The following TRIP12 variants were observed in gnomAD, a reference collection of about 807,000 sequenced individuals.
TRIP12 encodes E3 ubiquitin-protein ligase TRIP12.
TRIP12 carries 25 observed loss-of-function variants against 244.2 expected under a neutral mutation model. The ratio of observed to expected loss-of-function variants is 0.10; its 90% CI spans 0.07 to 0.14. TRIP12 has a LOEUF of 0.14. TRIP12 is among the 10% of genes least tolerant of loss of function. The pLI is 1.00. For missense variants in TRIP12, 1,677 were observed against 2,486.4 expected (o/e 0.67, Z 6.92); for synonymous variants, 905 against 873.1 (o/e 1.04, Z -0.64).
In TRIP12 at chr2:229,765,893, C is replaced by CT. The variant is rs575243501; in HGVS notation, c.*1660dup. The CT allele has an allele frequency of 8.5e-5, 13 of 152,324 alleles. No homozygotes were observed. The South Asian group carries it at 2.7e-3, about 32-fold the overall frequency. The allele number at this position is 152,324 out of a possible 1,614,324, so 9.4% of individuals were successfully genotyped here. A position where few individuals can be genotyped will look rare whatever the true frequency, so the allele number is the denominator to read the frequency against. ...AGAGAATTCTCTGCCCCCAACTCCTCTGACAGTTCCCTTCCACTTAATGGG... is the reference window on the plus strand; with the variant it reads ...AGAGAATTCTCTGCCCCCAACTCCTCTTGACAGTTCCCTTCCACTTAATGGG... On this transcript the variant is annotated 3_prime_UTR_variant, in exon 42 of 42. Coordinates refer to ENST00000675903, the MANE Select transcript of TRIP12 (RefSeq NM_001348323.3).
intron 5 of TRIP12, 22 bp downstream of exon 5, chr2:229,840,800 T>TAA (rs11373804): frequency 1.8e-3 from 2,310 of 1,301,416 alleles, no homozygotes; most frequent in African/African-American, 7.1e-3. Context: ...GAACTCACTA[T>TAA]AAAAAAAAAA....
At chr2:229,908,574 T>C (rs977143244) in intron 1 of TRIP12, among the ~76,000 whole-genome samples, 11 of 151,050 alleles carry the variant, frequency 7.3e-5, no homozygotes, top group African/African-American at 2.7e-4. Context: ...CTATTAAAAA[T>C]ACAAAAAATT....
chr2:229,813,064 T>C (rs1030613777), intron 13 of TRIP12, among the ~76,000 whole-genome samples: 7 of 152,172 alleles, frequency 4.6e-5, no homozygotes, highest in Admixed American at 2.6e-4. Context: ...CACACTGTTA[T>C]CATCAGGTCC....
chr2:229,774,229 G>A lies in TRIP12; in HGVS notation c.5562C>T (p.Thr1854=). 1 of 1,614,060 alleles carries A rather than the reference G, an allele frequency of 6.2e-7. No individual in the cohort carries two copies. Among genetic ancestry groups the A allele is most frequent in the Non-Finnish European group, 8.5e-7 (1 of 1,180,004 alleles). ...TKESLQYALE[T]LTMNGCSVED... is the part of the protein sequence containing the mutation. ...CAACTGAGCAGCCATTCATAGTCAA[G>A]GTTTCTAATGCATACTGTAGACTCT... Residue 1854 remains threonine, a synonymous_variant, in exon 38 of 42, where the codon ACC becomes ACT. Transcript: ENST00000675903.
intron 1 of TRIP12, among the ~76,000 whole-genome samples, chr2:229,901,101 T>A (rs1377471541): frequency 1.1e-4 from 17 of 151,084 alleles, no homozygotes; most frequent in African/African-American, 4.1e-4. Flanking sequence ...GCCTGGCTAA[T>A]TTTTGTATTT....
chr2:229,779,942 G>A (rs2037553577), intron 34 of TRIP12, among the ~76,000 whole-genome samples: 1 of 152,170 alleles, frequency 6.6e-6, no homozygotes, highest in East Asian at 1.9e-4. Context: ...GTAGTGACAA[G>A]TTCATATCAC....
intron 13 of TRIP12, among the ~76,000 whole-genome samples, chr2:229,812,318 T>A (rs898605137): frequency 4.6e-5 from 7 of 152,140 alleles, no homozygotes; most frequent in Non-Finnish European, 8.8e-5. Flanking sequence ...TGACCTCAGG[T>A]GATCCACCTG....
At chr2:229,809,674 A>G (rs1417025533) in intron 15 of TRIP12, among the ~76,000 whole-genome samples, 3 of 152,322 alleles carry the variant, frequency 2.0e-5, no homozygotes, top group Non-Finnish European at 4.4e-5. Flanking sequence ...ACCTTTCCCA[A>G]TCTTATTTAG....
intron 1 of TRIP12, among the ~76,000 whole-genome samples, chr2:229,915,964 G>A (rs1003840079): frequency 2.0e-5 from 3 of 152,144 alleles, no homozygotes; most frequent in African/African-American, 7.2e-5. Context: ...CAAAGTTCTG[G>A]AATTACAGGC....
intron 2 of TRIP12, among the ~76,000 whole-genome samples, chr2:229,872,487 T>A (rs1168240022): frequency 6.6e-6 from 1 of 151,842 alleles, no homozygotes; most frequent in Non-Finnish European, 1.5e-5. Context: ...CTGCTTGAAC[T>A]CGGGAGGCAG....
At chr2:229,825,813 C>T (rs1393835988) in intron 8 of TRIP12, among the ~76,000 whole-genome samples, 3 of 152,022 alleles carry the variant, frequency 2.0e-5, no homozygotes, top group Non-Finnish European at 2.9e-5. Context: ...TCTTGTCATA[C>T]CAGAAAATAA....
At chr2:229,869,146 G>GT (rs1036453938) in intron 2 of TRIP12, among the ~76,000 whole-genome samples, 12 of 152,134 alleles carry the variant, frequency 7.9e-5, no homozygotes, top group Non-Finnish European at 8.8e-5. Flanking sequence ...TCTAGGAGAT[G>GT]TTTTTTCCTG....
chr2:229,851,051 C>T (rs1282498964), intron 4 of TRIP12, among the ~76,000 whole-genome samples: 1 of 152,254 alleles, frequency 6.6e-6, no homozygotes, highest in Non-Finnish European at 1.5e-5. Context: ...GCGCCGCCCC[C>T]TGCTCCAGGG....
chr2:229,840,563 G>C (rs984200678), intron 5 of TRIP12, among the ~76,000 whole-genome samples: 2 of 151,948 alleles, frequency 1.3e-5, no homozygotes, highest in African/African-American at 2.4e-5. Flanking sequence ...TTAGCTGGGT[G>C]GGGTGGCAGG....
At chr2:229,825,220 G>C (rs992663592) in intron 8 of TRIP12, among the ~76,000 whole-genome samples, 1 of 152,156 alleles carries the variant, frequency 6.6e-6, no homozygotes, top group Non-Finnish European at 1.5e-5. Context: ...CTCACCATTG[G>C]AGAAAGGAGA....
chr2:229,868,445 T>C (rs1458473377), intron 2 of TRIP12, among the ~76,000 whole-genome samples: 1 of 152,162 alleles, frequency 6.6e-6, no homozygotes, highest in Non-Finnish European at 1.5e-5. Flanking sequence ...TCAAACGATC[T>C]GCCTGCTTCA....
chr2:229,860,197 A>G (rs912055555), intron 3 of TRIP12, among the ~76,000 whole-genome samples: 62 of 152,210 alleles, frequency 4.1e-4, no homozygotes, highest in Non-Finnish European at 1.6e-4. Flanking sequence ...CCAAACAAAA[A>G]TATCATTTTA....
intron 4 of TRIP12, among the ~76,000 whole-genome samples, chr2:229,850,277 T>C (rs1158276033): frequency 6.6e-6 from 1 of 151,914 alleles, no homozygotes; most frequent in Non-Finnish European, 1.5e-5. Flanking sequence ...TTTTTTAAAT[T>C]TGGCCACTTC....
At chr2:229,893,083 A>C (rs2067789347) in intron 1 of TRIP12, among the ~76,000 whole-genome samples, 1 of 152,214 alleles carries the variant, frequency 6.6e-6, no homozygotes, top group African/African-American at 2.4e-5. Flanking sequence ...ATTTCTCAAA[A>C]TACAAAAAAG....
Sources: allele counts gnomAD v4.1 joint callset (sites outside exome capture counted in the v4.1 genomes callset), GRCh38; gene constraint gnomAD v4.1.1; transcripts MANE v1.5; gene names NCBI Gene and HGNC (gene_info 2026-07-23, HGNC 2026-07-21).